PACRG: variants seen among roughly 807,000 people sequenced by gnomAD.
PACRG encodes the protein parkin coregulated gene protein.
PACRG carries 29 observed loss-of-function variants against 29.7 expected under a neutral mutation model. That is an observed-to-expected ratio of 0.98 (90% CI 0.73 to 1.33). PACRG has a LOEUF of 1.33. Among genes scored for constraint, PACRG ranks in the 40% most tolerant of loss-of-function variants. The probability of loss-of-function intolerance (pLI) is 0.00; values close to 1 mark genes in which losing one functional copy is unlikely to be tolerated. For missense variants in PACRG, 279 were observed against 316.2 expected (o/e 0.88, Z 0.89); for synonymous variants, 116 against 118.7 (o/e 0.98, Z 0.15).
chr6:163,156,724 T>A (rs1778335387), intron 4 of PACRG, among the ~76,000 whole-genome samples: 1 of 152,204 alleles, frequency 6.6e-6, no homozygotes, highest in South Asian at 2.1e-4. Flanking sequence ...TACAGAACCG[T>A]GTCCCCTCCT....
chr6:163,174,344 C>T (rs1047563825), intron 4 of PACRG, among the ~76,000 whole-genome samples: 3 of 152,196 alleles, frequency 2.0e-5, no homozygotes, highest in Admixed American at 1.3e-4. Flanking sequence ...AGCTTGCTTT[C>T]GAGGATCAGT....
intron 1 of PACRG, among the ~76,000 whole-genome samples, chr6:162,753,497 T>G (rs748521263): frequency 2.2e-4 from 34 of 152,202 alleles, no homozygotes; most frequent in Non-Finnish European, 1.2e-4. Flanking sequence ...TATCCATTTG[T>G]CCATTGATGA....
intron 4 of PACRG, among the ~76,000 whole-genome samples, chr6:163,095,005 A>G (rs527297751): frequency 6.6e-6 from 1 of 152,270 alleles, no homozygotes; most frequent in Admixed American, 6.5e-5. Flanking sequence ...AGCCTGGAAA[A>G]TCTTTGAGGA....
intron 4 of PACRG, among the ~76,000 whole-genome samples, chr6:163,139,233 C>T (rs1439238415): frequency 6.6e-6 from 1 of 152,270 alleles, no homozygotes; most frequent in East Asian, 1.9e-4. Context: ...CTCGTCTTCA[C>T]ATTGCCTCCC....
At chr6:163,218,640 C>T (rs1446195890) in intron 4 of PACRG, among the ~76,000 whole-genome samples, 13 of 152,186 alleles carry the variant, frequency 8.5e-5, no homozygotes, top group Admixed American at 6.5e-4. Flanking sequence ...ACTCAAACTC[C>T]CAGCAACACT....
At chr6:163,060,515 T>G (rs575740768) in intron 2 of PACRG, among the ~76,000 whole-genome samples, 11 of 152,246 alleles carry the variant, frequency 7.2e-5, no homozygotes, top group East Asian at 3.9e-4. Flanking sequence ...AAAAGGAAAG[T>G]AAAGTAAAAC....
chr6:162,807,583 G>T (rs1786463054), intron 1 of PACRG, among the ~76,000 whole-genome samples: 1 of 152,002 alleles, frequency 6.6e-6, no homozygotes, highest in African/African-American at 2.4e-5. Flanking sequence ...AAACATTTAT[G>T]GATTAAATTT....
intron 2 of PACRG, among the ~76,000 whole-genome samples, chr6:163,005,931 A>G (rs1805040415): frequency 1.4e-5 from 2 of 146,958 alleles, no homozygotes; most frequent in South Asian, 4.2e-4. Context: ...GTATATATAT[A>G]ACATGTATAA....
At chr6:162,900,433 A>G (rs2128056869) in intron 2 of PACRG, among the ~76,000 whole-genome samples, 1 of 152,250 alleles carries the variant, frequency 6.6e-6, no homozygotes, top group East Asian at 1.9e-4. Context: ...TCTTCAATGA[A>G]CTTACGTTTC....
At chr6:162,887,065 A>G (rs1415202343) in intron 2 of PACRG, among the ~76,000 whole-genome samples, 3 of 152,022 alleles carry the variant, frequency 2.0e-5, no homozygotes, top group African/African-American at 7.2e-5. Context: ...ATGCTACCAC[A>G]CCTGGCTAAT....
At chr6:162,747,383 T>C in intron 1 of PACRG, among the ~76,000 whole-genome samples, 1 of 63,352 alleles carries the variant, frequency 1.6e-5, no homozygotes, top group African/African-American at 8.4e-5. Context: ...TATATATGTA[T>C]ATATATGTAT....
At chr6:162,880,857 A>G (rs1584637149) in intron 2 of PACRG, among the ~76,000 whole-genome samples, 1 of 152,200 alleles carries the variant, frequency 6.6e-6, no homozygotes, top group Non-Finnish European at 1.5e-5. Flanking sequence ...TACATTGCAC[A>G]CCAGCCAGAT....
chr6:163,164,922 T>C (rs1418019867), intron 4 of PACRG, among the ~76,000 whole-genome samples: 1 of 152,188 alleles, frequency 6.6e-6, no homozygotes, highest in Non-Finnish European at 1.5e-5. Context: ...AGGGTATGTA[T>C]GTATGTACAT....
At chr6:163,127,386 T>C (rs1301739466) in intron 4 of PACRG, among the ~76,000 whole-genome samples, 1 of 152,242 alleles carries the variant, frequency 6.6e-6, no homozygotes, top group Non-Finnish European at 1.5e-5. Context: ...TAATGGGTAT[T>C]TTGTCAGTTA....
chr6:163,233,514 C>T (rs1782125744), intron 4 of PACRG, among the ~76,000 whole-genome samples: 1 of 152,152 alleles, frequency 6.6e-6, no homozygotes, highest in African/African-American at 2.4e-5. Context: ...GAAATAACTG[C>T]CATGCATTTC....
intron 2 of PACRG, among the ~76,000 whole-genome samples, chr6:162,945,054 C>A (rs1377058002): frequency 6.6e-6 from 1 of 151,844 alleles, no homozygotes; most frequent in African/African-American, 2.4e-5. Context: ...GTTACCACTA[C>A]AGAAAGCCAC....
rs1785587976 is a variant in PACRG, at chr6:163,314,900, G to A, written c.687G>A (p.Leu229=). Residue 229 remains leucine (L), a synonymous_variant, in exon 5 of 5, where the codon CTG becomes CTA. Transcript: ENST00000366888. The part of the protein sequence containing the change: ...ENIGDLIQET[L]EAFERYGGEN... Reference sequence around the variant, plus strand: ...TTGGGGACTTGATCCAGGAGACACTGGAGGCCTTCGAGCGCTACGGAGGAG... The same window carrying A: ...TTGGGGACTTGATCCAGGAGACACTAGAGGCCTTCGAGCGCTACGGAGGAG... 1 of 1,614,190 alleles carries A rather than the reference G, an allele frequency of 6.2e-7. No individual in the cohort carries two copies. The highest frequency in any genetic ancestry group is 8.5e-7 in the Non-Finnish European group (1 of 1,180,038).
chr6:163,219,252 A>G (rs1017802476), intron 4 of PACRG, among the ~76,000 whole-genome samples: 2 of 152,204 alleles, frequency 1.3e-5, no homozygotes, highest in African/African-American at 4.8e-5. Flanking sequence ...GCCACCAGTT[A>G]TATAGACCAA....
intron 2 of PACRG, among the ~76,000 whole-genome samples, chr6:162,972,617 T>A (rs569154047): frequency 9.2e-5 from 14 of 152,210 alleles, no homozygotes; most frequent in Admixed American, 1.3e-4. Context: ...AGAAGTTCCC[T>A]CATCCCCCAG....
Sources: gnomAD v4.1 joint callset for allele counts (sites outside exome capture counted in the v4.1 genomes callset) on GRCh38, gnomAD v4.1.1 for gene constraint, MANE v1.5 for transcripts, NCBI Gene and HGNC (gene_info 2026-07-23, HGNC 2026-07-21) for gene names.